FOCAD: variants seen among roughly 807,000 people sequenced by gnomAD.
FOCAD encodes KIAA1797.
Under a neutral mutation model 225.6 loss-of-function variants are expected in FOCAD, and 198 were observed. The observed-to-expected ratio is 0.88, with a 90% CI of 0.78 to 0.99. The LOEUF (loss-of-function observed/expected upper bound fraction) is 0.99, where lower values mean the gene tolerates loss of function less well. Among genes scored for constraint, FOCAD ranks in the 50% least tolerant of loss-of-function variants. FOCAD has a pLI of 0.00. For synonymous variants in FOCAD, 897 were observed against 755.0 expected (o/e 1.19, Z -3.08); for missense variants, 2,713 against 2,123.6 (o/e 1.28, Z -5.46).
chr9:20,670,378 C>G (rs1822024738), intron 2 of FOCAD, among the ~76,000 whole-genome samples: 1 of 152,150 alleles, frequency 6.6e-6, no homozygotes, highest in Non-Finnish European at 1.5e-5. Flanking sequence ...CCACCTGAAA[C>G]TGGGTAATTA....
chr9:20,840,941 T>A (rs1042406358), intron 15 of FOCAD, among the ~76,000 whole-genome samples: 2 of 151,982 alleles, frequency 1.3e-5, no homozygotes, highest in African/African-American at 4.8e-5. Context: ...GGGATGTTAA[T>A]GTTGAATTGT....
chr9:20,776,443 C>CA (rs1818763911), intron 8 of FOCAD, among the ~76,000 whole-genome samples: 1 of 152,204 alleles, frequency 6.6e-6, no homozygotes, highest in Non-Finnish European at 1.5e-5. Flanking sequence ...TGGTACTATC[C>CA]TTTGGTGTCC....
intron 34 of FOCAD, among the ~76,000 whole-genome samples, chr9:20,951,333 A>G (rs1161200873): frequency 1.3e-5 from 2 of 152,166 alleles, no homozygotes; most frequent in African/African-American, 4.8e-5. Context: ...TCCAAAGCTC[A>G]TACTCTTTTT....
Position 20,946,768 on chromosome 9 carries a change from A to T in FOCAD, c.3623A>T (p.Glu1208Val). 1 of 1,613,880 alleles carries T rather than the reference A, an allele frequency of 6.2e-7. No homozygotes were observed. The highest frequency in any genetic ancestry group is 8.5e-7 in the Non-Finnish European group (1 of 1,179,794). Residue 1208 changes from glutamate to valine, a missense_variant, in exon 30 of 44, where the codon GAG becomes GTG. Coordinates refer to ENST00000338382, the MANE Select transcript of FOCAD (RefSeq NM_001375567.1). ...AFSAGIIEATEAEDVMNKLRL... is the reference protein window; with the variant it reads ...AFSAGIIEATVAEDVMNKLRL... ...AGTGCTGGAATTATTGAGGCTACAG[A>T]GGCTGAGGATGTTATGAACAAGCTT...
chr9:20,772,204 C>T (rs1818310600), intron 8 of FOCAD, among the ~76,000 whole-genome samples: 1 of 152,086 alleles, frequency 6.6e-6, no homozygotes, highest in Non-Finnish European at 1.5e-5. Flanking sequence ...ATGCCATTCA[C>T]TTTGAGAAAT....
intron 15 of FOCAD, among the ~76,000 whole-genome samples, chr9:20,836,104 A>C (rs574772030): frequency 6.6e-6 from 1 of 152,042 alleles, no homozygotes; most frequent in Admixed American, 6.6e-5. Flanking sequence ...CCCTTTGTCT[A>C]GGGGCTCCTT....
chr9:20,787,789 A>G (rs1179233931), intron 10 of FOCAD, among the ~76,000 whole-genome samples: 2 of 151,776 alleles, frequency 1.3e-5, no homozygotes, highest in East Asian at 3.9e-4. Flanking sequence ...GCAACTACAA[A>G]TATATTATCT....
rs539799455 is a variant in FOCAD, at chr9:20,928,401, C to G, written c.3079-957C>G. 1.1e-4 allele frequency among the ~76,000 whole-genome samples: 17 copies of G among 152,242 alleles called. No homozygotes were observed. In the East Asian group the frequency reaches 3.1e-3, roughly 28 times the overall value. ...GATTTTTATCCTTAAAGTACTAAAG[C>G]TTAGAGAGCGAATGGGCCTAGAATT... On this transcript the variant is annotated intron_variant, in intron 26 of 43. Coordinates refer to ENST00000338382, the MANE Select transcript of FOCAD (RefSeq NM_001375567.1).
intron 5 of FOCAD, among the ~76,000 whole-genome samples, chr9:20,753,873 G>C (rs1273612444): frequency 6.6e-6 from 1 of 151,988 alleles, no homozygotes; most frequent in African/African-American, 2.4e-5. Context: ...GCTACTGTTA[G>C]ATTTATTTAC....
At chr9:20,759,832 A>C (rs1045253208) in intron 6 of FOCAD, among the ~76,000 whole-genome samples, 1 of 152,246 alleles carries the variant, frequency 6.6e-6, no homozygotes, top group Non-Finnish European at 1.5e-5. Context: ...ACTACACAAT[A>C]CATATAGGAG....
Position 20,978,378 on chromosome 9 carries a change from C to T in FOCAD, c.4301C>T (p.Thr1434Ile). The T allele has an allele frequency of 1.2e-6, 2 of 1,611,262 alleles. No individual in the cohort carries two copies. The highest frequency in any genetic ancestry group is 1.7e-6 in the Non-Finnish European group (2 of 1,178,534). The change falls in exon 37 of 44, where the codon ACC becomes ATC. Residue 1434 changes from threonine (T) to isoleucine (I), a missense_variant. By Grantham distance (89) the Thr-to-Ile change is moderately conservative (BLOSUM62 -1). Transcript: ENST00000338382. ...CAACTGTGCCTTGAAATTATGGTGA[C>T]CCAGGCACAGTCATCCCAGAATGCA... is the stretch of plus-strand genomic sequence containing the variant. ...IQQLCLEIMV[T>I]QAQSSQNAAA...
At chr9:20,911,767 G>A (rs183250117) in intron 22 of FOCAD, among the ~76,000 whole-genome samples, 107 of 152,246 alleles carry the variant, frequency 7.0e-4, no homozygotes, top group African/African-American at 2.5e-3. Context: ...GAGGCATTCT[G>A]AGCCCATGTC....
chr9:20,848,201 T>C (rs1827307087), intron 15 of FOCAD, among the ~76,000 whole-genome samples: 1 of 151,964 alleles, frequency 6.6e-6, no homozygotes, highest in Admixed American at 6.6e-5. Flanking sequence ...CAAGAAAGTA[T>C]GGGCGGCCAT....
chr9:20,979,870 A>G (rs1840539486), intron 37 of FOCAD, among the ~76,000 whole-genome samples: 1 of 152,226 alleles, frequency 6.6e-6, no homozygotes, highest in African/African-American at 2.4e-5. Flanking sequence ...CTGACGGGAC[A>G]GTTTTAAAAG....
At position 20,865,912 on chromosome 9, in the gene FOCAD, T is replaced by G; in HGVS notation, c.2056-14T>G. 6.3e-7 allele frequency: 1 copy of G among 1,594,994 alleles called. No homozygotes were observed. The highest frequency in any genetic ancestry group is 8.6e-7 in the Non-Finnish European group (1 of 1,167,744). On this transcript the variant is annotated splice_polypyrimidine_tract_variant and intron_variant, in intron 16 of 43. Coordinates refer to ENST00000338382, the MANE Select transcript of FOCAD (RefSeq NM_001375567.1). ...GGTCTTAACAATTTATTCTTTTGTA[T>G]GTTAACTTTTCAGAATTTTAAAGTT...
intron 42 of FOCAD, among the ~76,000 whole-genome samples, chr9:20,990,586 G>C (rs888553911): frequency 6.6e-6 from 1 of 152,206 alleles, no homozygotes; most frequent in Non-Finnish European, 1.5e-5. Context: ...GTGGCAGCTT[G>C]CTTACAGCTG....
chr9:20,883,456 C>A (rs1169397152), intron 20 of FOCAD, among the ~76,000 whole-genome samples: 1 of 152,164 alleles, frequency 6.6e-6, no homozygotes, highest in African/African-American at 2.4e-5. Flanking sequence ...ATTTATATAT[C>A]TTTTAACTGT....
At chr9:20,944,865 T>A in intron 29 of FOCAD, 91 bp downstream of exon 29, 1 of 1,329,866 alleles carries the variant, frequency 7.5e-7, no homozygotes, top group Non-Finnish European at 1.0e-6. Flanking sequence ...TTGGTAACCC[T>A]ATAAATTAAA....
At chr9:20,775,587 T>C (rs1818673597) in intron 8 of FOCAD, among the ~76,000 whole-genome samples, 1 of 152,200 alleles carries the variant, frequency 6.6e-6, no homozygotes, top group African/African-American at 2.4e-5. Context: ...CATCTTTGTT[T>C]TGTCTGCTAC....
Sources: gnomAD v4.1 joint callset for allele counts (sites outside exome capture counted in the v4.1 genomes callset) on GRCh38, gnomAD v4.1.1 for gene constraint, MANE v1.5 for transcripts, NCBI Gene and HGNC (gene_info 2026-07-23, HGNC 2026-07-21) for gene names.